The following ADGRL3 variants were observed in gnomAD, a reference collection of about 807,000 sequenced individuals.
The protein encoded by ADGRL3 is adhesion G protein-coupled receptor L3, also known as calcium-independent alpha-latrotoxin receptor 3.
Under a neutral mutation model 153.5 loss-of-function variants are expected in ADGRL3, and 62 were observed. The ratio of observed to expected loss-of-function variants is 0.40; its 90% CI spans 0.33 to 0.50. The LOEUF is 0.50. ADGRL3 is among the 20% of genes least tolerant of loss of function. The pLI is 0.47. For synonymous variants in ADGRL3, 710 were observed against 672.5 expected (o/e 1.06, Z -0.86); for missense variants, 1,641 against 1,859.4 (o/e 0.88, Z 2.16).
chr4:61,394,026 C>A (rs1053634551), intron 2 of ADGRL3, among the ~76,000 whole-genome samples: 14 of 152,064 alleles, frequency 9.2e-5, no homozygotes, highest in Admixed American at 5.9e-4. Flanking sequence ...TAACAAAATT[C>A]TTTGTGAAAA....
intron 13 of ADGRL3, among the ~76,000 whole-genome samples, chr4:61,914,288 G>A (rs760061692): frequency 3.9e-5 from 6 of 152,100 alleles, no homozygotes; most frequent in East Asian, 3.9e-4. Context: ...CGTGGTTTCC[G>A]TAGGGAAGGA....
chr4:61,400,802 G>T (rs2096920788), intron 2 of ADGRL3, among the ~76,000 whole-genome samples: 1 of 128,642 alleles, frequency 7.8e-6, no homozygotes, highest in African/African-American at 2.8e-5. Context: ...TGCTCCATAT[G>T]TGCAGCTAAA....
At chr4:61,621,425 C>T (rs1054818718) in intron 5 of ADGRL3, among the ~76,000 whole-genome samples, 1 of 152,202 alleles carries the variant, frequency 6.6e-6, no homozygotes. Context: ...AGTATCCTTG[C>T]TGCAAATTTC....
chr4:61,589,394 G>A (rs1231530195), intron 5 of ADGRL3, among the ~76,000 whole-genome samples: 1 of 152,044 alleles, frequency 6.6e-6, no homozygotes, highest in Admixed American at 6.6e-5. Flanking sequence ...GGCCATTTAA[G>A]CTGCTTTATA....
intron 4 of ADGRL3, among the ~76,000 whole-genome samples, chr4:61,543,971 CTG>C (rs1192702080): frequency 2.6e-5 from 4 of 152,328 alleles, no homozygotes; most frequent in African/African-American, 7.2e-5. Context: ...TTAGTCCACT[CTG>C]TGTTTGTATC....
At chr4:61,872,655 TA>T (rs112560667) in intron 9 of ADGRL3, among the ~76,000 whole-genome samples, 262 of 142,938 alleles carry the variant, frequency 1.8e-3, no homozygotes, top group Non-Finnish European at 1.6e-3. Flanking sequence ...TAACCTTGTT[TA>T]AAAAAAAAAA....
chr4:61,258,928 T>C (rs2092261845), intron 1 of ADGRL3, among the ~76,000 whole-genome samples: 1 of 152,186 alleles, frequency 6.6e-6, no homozygotes, highest in Non-Finnish European at 1.5e-5. Flanking sequence ...CTTCCTTAAA[T>C]CGCATATCAA....
At chr4:61,778,089 G>A (rs546757786) in intron 8 of ADGRL3, among the ~76,000 whole-genome samples, 59 of 152,244 alleles carry the variant, frequency 3.9e-4, no homozygotes, top group Admixed American at 5.2e-4. Context: ...GATAGATTGT[G>A]GTCAAAAGAC....
chr4:61,786,011 G>A (rs1356865074), intron 8 of ADGRL3, among the ~76,000 whole-genome samples: 3 of 152,124 alleles, frequency 2.0e-5, no homozygotes, highest in African/African-American at 7.2e-5. Flanking sequence ...TATTGGCAGT[G>A]TAGTGTTATA....
intron 8 of ADGRL3, among the ~76,000 whole-genome samples, chr4:61,803,574 T>A (rs1472138629): frequency 6.6e-6 from 1 of 152,092 alleles, no homozygotes; most frequent in Admixed American, 6.5e-5. Flanking sequence ...TGATATTTTT[T>A]ATATAATAAA....
chr4:61,933,581 G>A (rs1451868408), intron 13 of ADGRL3, among the ~76,000 whole-genome samples: 1 of 152,148 alleles, frequency 6.6e-6, no homozygotes, highest in Non-Finnish European at 1.5e-5. Flanking sequence ...AAAGTACAGT[G>A]ATGTTGATTT....
intron 24 of ADGRL3, among the ~76,000 whole-genome samples, chr4:62,039,756 T>C (rs1468526220): frequency 6.6e-6 from 1 of 152,118 alleles, no homozygotes; most frequent in African/African-American, 2.4e-5. Flanking sequence ...TCCCTTGCTC[T>C]TCCTCTTTTT....
intron 1 of ADGRL3, among the ~76,000 whole-genome samples, chr4:61,371,206 A>C (rs1301667389): frequency 1.3e-5 from 2 of 151,480 alleles, no homozygotes; most frequent in Non-Finnish European, 2.9e-5. Context: ...TGTGTCTTTT[A>C]ATTGGAGGAT....
chr4:61,210,637 A>G (rs1263824307), intron 1 of ADGRL3, among the ~76,000 whole-genome samples: 1 of 152,064 alleles, frequency 6.6e-6, no homozygotes, highest in Admixed American at 6.6e-5. Context: ...TTTGTATGAG[A>G]TTTTATTTCT....
intron 8 of ADGRL3, among the ~76,000 whole-genome samples, chr4:61,745,648 C>T (rs2096647375): frequency 6.6e-6 from 1 of 152,160 alleles, no homozygotes; most frequent in African/African-American, 2.4e-5. Context: ...ACTTTACAAA[C>T]AAGCAAATGC....
intron 13 of ADGRL3, among the ~76,000 whole-genome samples, chr4:61,933,528 A>G (rs1240602893): frequency 1.3e-5 from 2 of 152,198 alleles, no homozygotes; most frequent in African/African-American, 2.4e-5. Context: ...CTTTTAAAAA[A>G]TAATCCAAAG....
chr4:61,639,839 A>G (rs961483091), intron 5 of ADGRL3, among the ~76,000 whole-genome samples: 61 of 152,174 alleles, frequency 4.0e-4, no homozygotes, highest in African/African-American at 1.2e-3. Context: ...AATATTGGCC[A>G]TCTTTTCTAA....
intron 3 of ADGRL3, among the ~76,000 whole-genome samples, chr4:61,517,053 A>G (rs1357743664): frequency 6.6e-6 from 1 of 151,236 alleles, no homozygotes; most frequent in East Asian, 1.9e-4. Context: ...TAATTTTCTA[A>G]TCATTATTAG....
intron 1 of ADGRL3, among the ~76,000 whole-genome samples, chr4:61,214,134 C>A (rs940260058): frequency 6.6e-6 from 1 of 152,102 alleles, no homozygotes; most frequent in Non-Finnish European, 1.5e-5. Flanking sequence ...TAATGCTCAG[C>A]TGCACATACA....
Sources: allele counts gnomAD v4.1 joint callset (sites outside exome capture counted in the v4.1 genomes callset), GRCh38; gene constraint gnomAD v4.1.1; transcripts MANE v1.5; gene names NCBI Gene and HGNC (gene_info 2026-07-23, HGNC 2026-07-21).